Variants in TEK observed in about 807,000 individuals in gnomAD.
TEK encodes TEK receptor tyrosine kinase.
Under a neutral mutation model 131.8 loss-of-function variants are expected in TEK, and 43 were observed. The ratio of observed to expected loss-of-function variants is 0.33; its 90% confidence interval spans 0.26 to 0.42. The LOEUF is 0.42. Among genes scored for constraint, TEK ranks in the 10% least tolerant of loss-of-function variants. The pLI, the probability that TEK is intolerant of heterozygous loss-of-function variation, is 1.00. For synonymous variants in TEK, 580 were observed against 491.6 expected (o/e 1.18, Z -2.38); for missense variants, 1,162 against 1,384.4 (o/e 0.84, Z 2.55).
At chr9:27,192,458 C>CTTAAGT (rs1824856023) in intron 10 of TEK, 31 bp from the exon 11 acceptor site, 1 of 1,613,412 alleles carries the variant, frequency 6.2e-7, no homozygotes, top group African/African-American at 1.3e-5. Context: ...AGAATGCCAA[C>CTTAAGT]TTAAGTTTCC....
chr9:27,146,720 A>ATTTTTTTTTTTT (rs34727945), intron 1 of TEK, among the ~76,000 whole-genome samples: 1 of 113,692 alleles, frequency 8.8e-6, no homozygotes, highest in Non-Finnish European at 1.8e-5. Context: ...TAAACATTCT[A>ATTTTTTTTTTTT]TTTTTTTTTT....
In TEK at chr9:27,209,106, T is replaced by A. The variant is rs374137118; in HGVS notation, c.2576-15T>A. ...TGTAACAAAGAAGAATCACAACCCT[T>A]GACTTTCTTCCCAGAATATGCCTCC... is the stretch of plus-strand genomic sequence containing the variant. On this transcript the variant is annotated splice_polypyrimidine_tract_variant and intron_variant, in intron 15 of 22. Coordinates refer to ENST00000380036, the MANE Select transcript of TEK (RefSeq NM_000459.5). 23 of 1,590,822 alleles carry A rather than the reference T, an allele frequency of 1.4e-5. No individual in the cohort carries two copies. The African/African-American group carries it at 2.4e-4, about 17-fold the overall frequency.
chr9:27,223,885 A>G (rs905873835), intron 21 of TEK, among the ~76,000 whole-genome samples: 1 of 152,210 alleles, frequency 6.6e-6, no homozygotes, highest in African/African-American at 2.4e-5. Flanking sequence ...AATGAAGAAG[A>G]GAGAGAACAA....
At chr9:27,112,348 G>A (rs750981797) in intron 1 of TEK, among the ~76,000 whole-genome samples, 17 of 152,198 alleles carry the variant, frequency 1.1e-4, no homozygotes, top group Non-Finnish European at 2.1e-4. Flanking sequence ...TGTCAAGTCT[G>A]AGTAATCAAG....
intron 1 of TEK, among the ~76,000 whole-genome samples, chr9:27,137,991 T>A (rs1055436182): frequency 6.6e-6 from 1 of 152,140 alleles, no homozygotes; most frequent in Non-Finnish European, 1.5e-5. Flanking sequence ...GTGGTCTCGC[T>A]GACTTCAGGA....
At chr9:27,222,079 A>T (rs946955436) in intron 21 of TEK, among the ~76,000 whole-genome samples, 10 of 152,218 alleles carry the variant, frequency 6.6e-5, no homozygotes, top group African/African-American at 2.2e-4. Context: ...CAGCACGAAT[A>T]CTTCTAGAAG....
At chr9:27,213,434 C>A (rs1825705708) in intron 17 of TEK, 50 bp from the exon 18 acceptor site, 2 of 1,397,602 alleles carry the variant, frequency 1.4e-6, no homozygotes, top group Non-Finnish European at 2.0e-6. Context: ...AGTTTTCAGC[C>A]CTGGGGCTTT....
At chr9:27,173,549 C>T (rs868414314) in intron 6 of TEK, among the ~76,000 whole-genome samples, 187 bp downstream of exon 6, 3 of 152,048 alleles carry the variant, frequency 2.0e-5, no homozygotes, top group Non-Finnish European at 4.4e-5. Flanking sequence ...AAATCTAGAC[C>T]GCATAGAAAG....
chr9:27,117,513 G>T (rs985259485), intron 1 of TEK, among the ~76,000 whole-genome samples: 8 of 152,164 alleles, frequency 5.3e-5, no homozygotes, highest in Non-Finnish European at 1.5e-5. Context: ...GTGCCTTCAG[G>T]AATCTGATCA....
intron 1 of TEK, among the ~76,000 whole-genome samples, chr9:27,146,668 G>A (rs996921122): frequency 1.3e-5 from 2 of 151,392 alleles, no homozygotes; most frequent in Non-Finnish European, 2.9e-5. Context: ...GGATATTTGG[G>A]TGCTTCCAGT....
intron 6 of TEK, among the ~76,000 whole-genome samples, chr9:27,176,469 T>G (rs556256060): frequency 6.6e-6 from 1 of 152,366 alleles, no homozygotes; most frequent in South Asian, 2.1e-4. Context: ...TCAGATTTCC[T>G]TTATGCTTAT....
intron 4 of TEK, among the ~76,000 whole-genome samples, chr9:27,171,713 T>C (rs1230502340): frequency 6.6e-6 from 1 of 152,178 alleles, no homozygotes; most frequent in Non-Finnish European, 1.5e-5. Flanking sequence ...CTTTTTGTAA[T>C]ATGAATCTTA....
chr9:27,227,329 T>C (rs567783851), intron 21 of TEK, among the ~76,000 whole-genome samples: 23 of 152,304 alleles, frequency 1.5e-4, no homozygotes, highest in African/African-American at 3.6e-4. Flanking sequence ...TCCCAAACTA[T>C]GTTTTCACGT....
In TEK at chr9:27,229,250, C is replaced by T. The variant is rs1164279657; in HGVS notation, c.*18C>T. ...CGGCCTAGGACAGAACATCTGTATA[C>T]CCTCTGTTTCCCTTTCACTGGCATG... On this transcript the variant is annotated 3_prime_UTR_variant, in exon 23 of 23. Coordinates refer to ENST00000380036, the MANE Select transcript of TEK (RefSeq NM_000459.5). 16 of 1,611,802 alleles carry T rather than the reference C, an allele frequency of 9.9e-6. No homozygotes were observed. Among genetic ancestry groups the T allele is most frequent in the Non-Finnish European group, 1.1e-5 (13 of 1,178,074 alleles).
chr9:27,177,019 T>A (rs1172918339), intron 6 of TEK, among the ~76,000 whole-genome samples: 1 of 152,234 alleles, frequency 6.6e-6, no homozygotes, highest in Non-Finnish European at 1.5e-5. Flanking sequence ...TGACAGGATT[T>A]CCTTCTTTTC....
chr9:27,140,396 GAAAAAAAA>G (rs59569720), intron 1 of TEK, among the ~76,000 whole-genome samples: 1 of 113,366 alleles, frequency 8.8e-6, no homozygotes, highest in African/African-American at 3.1e-5. Flanking sequence ...TAGCAAAAAA[GAAAAAAAA>G]AAAAAAAAAA....
intron 7 of TEK, among the ~76,000 whole-genome samples, chr9:27,181,709 G>A (rs1198906614): frequency 1.3e-5 from 2 of 152,162 alleles, no homozygotes; most frequent in African/African-American, 4.8e-5. Flanking sequence ...GGCTTGCAAA[G>A]CTGACTGTAT....
At chr9:27,206,115 C>T (rs527820879) in intron 14 of TEK, among the ~76,000 whole-genome samples, 11 of 152,256 alleles carry the variant, frequency 7.2e-5, no homozygotes, top group East Asian at 3.9e-4. Context: ...AGCCTTACTA[C>T]GAGAGAGAAA....
In TEK at chr9:27,220,140, T is replaced by G; in HGVS notation, c.3195T>G (p.Asp1065Glu). The G allele has an allele frequency of 6.2e-7, 1 of 1,613,816 alleles. No individual in the cohort carries two copies. The highest frequency in any genetic ancestry group is 8.5e-7 in the Non-Finnish European group (1 of 1,179,946). Residue 1065 changes from aspartate (D) to glutamate (E), a missense_variant, in exon 21 of 23, where the codon GAT (aspartate) becomes GAG (glutamate). By Grantham distance (45) the Asp-to-Glu change is conservative. Coordinates refer to ENST00000380036, the MANE Select transcript of TEK (RefSeq NM_000459.5). ...YRLEKPLNCD[D>E]EVYDLMRQCW... Reference sequence around the variant, plus strand: ...TGGAGAAGCCCCTGAACTGTGATGATGAGGTGTAAGTCAGGCCTCATCCTG... The same window carrying G: ...TGGAGAAGCCCCTGAACTGTGATGAGGAGGTGTAAGTCAGGCCTCATCCTG...
Sources: allele counts gnomAD v4.1 joint callset (sites outside exome capture counted in the v4.1 genomes callset), GRCh38; gene constraint gnomAD v4.1.1; transcripts MANE v1.5; gene names NCBI Gene and HGNC (gene_info 2026-07-23, HGNC 2026-07-21).